Variants in TICAM1 observed in about 807,000 individuals in gnomAD.
TICAM1 encodes the protein TIR domain containing adaptor molecule 1.
For missense variants in TICAM1, 895 were observed against 938.2 expected, an observed-to-expected ratio of 0.95 and a Z score of 0.60; for synonymous variants, 439 against 415.4, an observed-to-expected ratio of 1.06 and a Z score of -0.69.
At chr19:4,823,742 G>GA (rs2093601529) in intron 1 of TICAM1, among the ~76,000 whole-genome samples, 1 of 152,166 alleles carries the variant, frequency 6.6e-6, no homozygotes, top group East Asian at 1.9e-4. Flanking sequence ...GCAAGCTAAG[G>GA]AGAGTCCTCA....
intron 1 of TICAM1, among the ~76,000 whole-genome samples, chr19:4,822,320 G>C (rs2093599069): frequency 2.0e-5 from 3 of 151,464 alleles, no homozygotes; most frequent in Admixed American, 1.3e-4. Flanking sequence ...TTGGCTCACT[G>C]CAACCTCCAC....
chr19:4,822,052 C>T (rs1448761222), intron 1 of TICAM1, among the ~76,000 whole-genome samples: 2 of 151,920 alleles, frequency 1.3e-5, no homozygotes, highest in African/African-American at 4.8e-5. Flanking sequence ...TCTCCTGCTT[C>T]AGCCTCCCGA....
chr19:4,818,568 G>A lies in TICAM1; in HGVS notation c.-139-52C>T, dbSNP rs965048097. ...ACTTACCCCCAAGAAAGGTCAGCACGGGAAGGCGGCCCACACACCCCCGCC... is the reference window on the plus strand; with the variant it reads ...ACTTACCCCCAAGAAAGGTCAGCACAGGAAGGCGGCCCACACACCCCCGCC... On this transcript the variant is annotated intron_variant, in intron 1 of 1. Coordinates refer to ENST00000248244, the MANE Select transcript of TICAM1 (RefSeq NM_182919.4). The surrounding 1 kb of genome is among the most constrained non-coding windows in gnomAD (Gnocchi z 4.0). The A allele has an allele frequency of 6.8e-5, 86 of 1,269,904 alleles. No homozygotes were observed. The South Asian group carries it at 7.9e-4, about 12-fold the overall frequency. The allele number at this position is 1,269,904 out of a possible 1,614,324, so 78.7% of individuals were successfully genotyped here. A position where few individuals can be genotyped will look rare whatever the true frequency, so the allele number is the denominator to read the frequency against.
intron 1 of TICAM1, among the ~76,000 whole-genome samples, chr19:4,827,559 C>G (rs2093607666): frequency 6.6e-6 from 1 of 151,578 alleles, no homozygotes; most frequent in African/African-American, 2.4e-5. Flanking sequence ...GAGATCGAGA[C>G]CGTGCTGGCT....
chr19:4,830,371 C>T (rs1048100396), intron 1 of TICAM1, among the ~76,000 whole-genome samples: 4 of 152,092 alleles, frequency 2.6e-5, no homozygotes, highest in Non-Finnish European at 4.4e-5. Flanking sequence ...AACCACTGCA[C>T]CCGGCTAACT....
intron 1 of TICAM1, among the ~76,000 whole-genome samples, chr19:4,829,072 C>G (rs1023940942): frequency 1.3e-5 from 2 of 151,996 alleles, no homozygotes; most frequent in African/African-American, 4.8e-5. Flanking sequence ...TGACCTCAAT[C>G]GATCCGCCTG....
Position 4,817,328 on chromosome 19 carries a change from T to G in TICAM1, c.1050A>C (p.Pro350=), listed in dbSNP as rs747970026. 15 of 1,612,994 alleles carry G rather than the reference T, an allele frequency of 9.3e-6. No individual in the cohort carries two copies. The highest frequency in any genetic ancestry group is 1.3e-5 in the Non-Finnish European group (15 of 1,179,886). The part of the protein sequence containing the change: ...DTTSPNTKPC[P]PTPTTPETSP... ...ATGTTTCTGGGGTGGTGGGAGTAGG[T>G]GGGCACGGCTTGGTATTTGGAGAGG... Residue 350 remains proline (P), a synonymous_variant, in exon 2 of 2, where the codon CCA becomes CCC. Transcript: ENST00000248244. The surrounding 1 kb of genome is among the most constrained non-coding windows in gnomAD (Gnocchi z 4.7).
rs2146171857 is a variant in TICAM1, at chr19:4,818,547, A to C, written c.-139-31T>G. 2.2e-6 allele frequency: 3 copies of C among 1,350,282 alleles called. No homozygotes were observed. Among genetic ancestry groups the C allele is most frequent in the Non-Finnish European group, 2.9e-6 (3 of 1,036,042 alleles). 83.6% of individuals were successfully genotyped at this position (1,350,282 alleles called of 1,614,324 possible). ...GGAAACAGGAGAAGCAAACACACTT[A>C]CCCCCAAGAAAGGTCAGCACGGGAA... On this transcript the variant is annotated intron_variant, in intron 1 of 1. Coordinates refer to ENST00000248244, the MANE Select transcript of TICAM1 (RefSeq NM_182919.4). The surrounding 1 kb of genome is among the most constrained non-coding windows in gnomAD (Gnocchi z 4.0).
At chr19:4,819,128 G>C (rs531273729) in intron 1 of TICAM1, among the ~76,000 whole-genome samples, 1 of 152,014 alleles carries the variant, frequency 6.6e-6, no homozygotes, top group South Asian at 2.1e-4. Flanking sequence ...AAAAAAAGTA[G>C]CTGGGCGTGG....
Position 4,816,720 on chromosome 19 carries a change from C to T in TICAM1, c.1658G>A (p.Ser553Asn). ...CATCCGCTCACCGTCCAGGTGTTGG[C>T]TCTGTTCCCGCAGGGCTCGGGTGTC... ...EQDTRALREQ[S>N]QHLDGERMQA... is the part of the protein sequence containing the mutation. The change falls in exon 2 of 2, where the codon AGC becomes AAC. Residue 553 changes from serine to asparagine, a missense_variant. By Grantham distance (46) the Ser-to-Asn change is conservative. Transcript: ENST00000248244. This position sits in a 1 kb window ranked among gnomAD's most constrained non-coding sequence, Gnocchi z 4.3. 1.2e-6 allele frequency: 2 copies of T among 1,614,010 alleles called. No homozygotes were observed. The highest frequency in any genetic ancestry group is 1.3e-5 in the African/African-American group (1 of 75,078).
chr19:4,817,281 G>A lies in TICAM1; in HGVS notation c.1097C>T (p.Pro366Leu), dbSNP rs1408916796. ...AGCTGAACAAGGAGTAGATGAAGGA[G>A]GAGGAGGAGGAGGAGGAGGGGATGT... ...PETSPPPPPP[P>L]PSSTPCSAHL... is the part of the protein sequence containing the mutation. Residue 366 changes from proline to leucine, a missense_variant, in exon 2 of 2, where the codon CCT becomes CTT. Pro to Leu is a moderately conservative substitution (Grantham distance 98). Transcript: ENST00000248244. The surrounding 1 kb of genome is among the most constrained non-coding windows in gnomAD (Gnocchi z 4.7). The A allele has an allele frequency of 1.9e-6, 3 of 1,609,316 alleles. No homozygotes were observed. The highest frequency in any genetic ancestry group is 2.5e-6 in the Non-Finnish European group (3 of 1,177,652).
At chr19:4,822,376 GGGACCACA>G (rs1396036226) in intron 1 of TICAM1, among the ~76,000 whole-genome samples, 1 of 151,748 alleles carries the variant, frequency 6.6e-6, no homozygotes, top group Non-Finnish European at 1.5e-5. Context: ...CCGAGTAGCT[GGGACCACA>G]GGCACCCGCC....
chr19:4,827,864 C>T (rs1293580265), intron 1 of TICAM1, among the ~76,000 whole-genome samples: 1 of 152,090 alleles, frequency 6.6e-6, no homozygotes, highest in Non-Finnish European at 1.5e-5. Flanking sequence ...TACCCCCACC[C>T]CCCGTTAAGT....
chr19:4,817,907 C>T lies in TICAM1; in HGVS notation c.471G>A (p.Thr157=), dbSNP rs139033075. 4.3e-6 allele frequency: 7 copies of T among 1,613,900 alleles called. No individual in the cohort carries two copies. The highest frequency in any genetic ancestry group is 1.7e-5 in the Admixed American group (1 of 60,004). The change falls in exon 2 of 2, where the codon ACG becomes ACA. Residue 157 remains threonine (T), a synonymous_variant. Transcript: ENST00000248244. The surrounding 1 kb of genome is among the most constrained non-coding windows in gnomAD (Gnocchi z 4.7). Reference sequence around the variant, plus strand: ...GGAGGCAGCCCAGATTGGACTGGAGCGTCCGGATGCTCCCTGGATCCCCAG... The same window carrying T: ...GGAGGCAGCCCAGATTGGACTGGAGTGTCCGGATGCTCCCTGGATCCCCAG... ...DIAGDPGSIR[T]LQSNLGCLPP... is the part of the protein sequence containing the mutation.
At chr19:4,825,422 T>G (rs1440863885) in intron 1 of TICAM1, among the ~76,000 whole-genome samples, 4 of 152,112 alleles carry the variant, frequency 2.6e-5, no homozygotes. Context: ...TGTATTTTTG[T>G]AGAGACTGGG....
chr19:4,827,818 G>T lies in TICAM1; in HGVS notation c.-140+3796C>A, dbSNP rs150078301. Among the ~76,000 whole-genome samples, 495 of 150,576 alleles carry T rather than the reference G, an allele frequency of 3.3e-3. 9 individuals are homozygous for T. Among genetic ancestry groups the T allele is most frequent in the African/African-American group, 0.011 (465 of 41,132 alleles). ...GACCACAAGTCGGCCAAAACTTTTT[G>T]AAATGATCAAGACAACTACTTGGAA... On this transcript the variant is annotated intron_variant, in intron 1 of 1. Transcript: ENST00000248244.
chr19:4,820,838 C>T (rs1250092234), intron 1 of TICAM1, among the ~76,000 whole-genome samples: 1 of 151,066 alleles, frequency 6.6e-6, no homozygotes, highest in Non-Finnish European at 1.5e-5. Flanking sequence ...GAGCCGAGAT[C>T]GTGCCACTGC....
intron 1 of TICAM1, among the ~76,000 whole-genome samples, 179 bp downstream of exon 1, chr19:4,831,435 A>C (rs1335141635): frequency 6.6e-6 from 1 of 151,804 alleles, no homozygotes; most frequent in African/African-American, 2.4e-5. Context: ...GGGGAGCTGG[A>C]GGTTGAGGGG....
intron 1 of TICAM1, among the ~76,000 whole-genome samples, chr19:4,824,179 T>A (rs1234004114): frequency 2.0e-5 from 3 of 152,034 alleles, no homozygotes; most frequent in Non-Finnish European, 4.4e-5. Context: ...CAGCTAATTT[T>A]TGTATTTTTA....
Sources: allele counts gnomAD v4.1 joint callset (sites outside exome capture counted in the v4.1 genomes callset), GRCh38; gene constraint gnomAD v4.1.1; non-coding constraint Gnocchi (gnomAD v3.1); transcripts MANE v1.5; gene names NCBI Gene and HGNC (gene_info 2026-07-23, HGNC 2026-07-21).